TNR: variants seen among roughly 807,000 people sequenced by gnomAD.
TNR encodes the protein tenascin-R.
Under a neutral mutation model 150.4 loss-of-function variants are expected in TNR, and 45 were observed. The observed-to-expected ratio is 0.30, with a 90% CI of 0.24 to 0.38. TNR has a LOEUF of 0.38. Among genes scored for constraint, TNR ranks in the 10% least tolerant of loss-of-function variants. The pLI, the probability that TNR is intolerant of heterozygous loss-of-function variation, is 1.00. For missense variants in TNR, 1,544 were observed against 1,759.1 expected (o/e 0.88, Z 2.19); for synonymous variants, 687 against 678.4 (o/e 1.01, Z -0.20).
At chr1:175,648,709 C>T (rs1315797108) in intron 1 of TNR, among the ~76,000 whole-genome samples, 1 of 152,152 alleles carries the variant, frequency 6.6e-6, no homozygotes, top group Non-Finnish European at 1.5e-5. Flanking sequence ...CAAAATGTCT[C>T]CCGCTTCCTT....
intron 1 of TNR, among the ~76,000 whole-genome samples, chr1:175,690,273 A>G (rs1666321869): frequency 6.6e-6 from 1 of 152,254 alleles, no homozygotes; most frequent in African/African-American, 2.4e-5. Context: ...ACAAAGACAG[A>G]TGAGGTCTCT....
Position 175,359,629 on chromosome 1 carries a change from A to G in TNR, c.2957T>C (p.Val986Ala), listed in dbSNP as rs1243389610. Residue 986 changes from valine (V) to alanine (A), a missense_variant, in exon 15 of 23, where the codon GTT becomes GCT. Physicochemically the swap from Val to Ala is moderately conservative, Grantham distance 64. Around this residue, in one of 2 missense-constraint regions of TNR, gnomAD observed 1,254 missense variants for 1,329.4 expected, o/e 0.94. Coordinates refer to ENST00000367674, the MANE Select transcript of TNR (RefSeq NM_003285.3). ...PVGEVENYVI[V>A]LTHFAVAGET... is the part of the protein sequence containing the mutation. ...ACACCCACCTGCAAAGTGTGTAAGA[A>G]CAATGACGTAGTTCTCCACCTCACC... The G allele has an allele frequency of 2.5e-6, 4 of 1,613,660 alleles. No individual in the cohort carries two copies. Among genetic ancestry groups the G allele is most frequent in the Non-Finnish European group, 3.4e-6 (4 of 1,179,806 alleles).
intron 1 of TNR, among the ~76,000 whole-genome samples, chr1:175,530,842 C>CA (rs1427910562): frequency 8.5e-5 from 13 of 152,248 alleles, no homozygotes; most frequent in African/African-American, 2.9e-4. Flanking sequence ...CTTTCACGCT[C>CA]ATTTAACCAC....
At chr1:175,509,003 C>G (rs574127936) in intron 2 of TNR, among the ~76,000 whole-genome samples, 1 of 152,306 alleles carries the variant, frequency 6.6e-6, no homozygotes, top group South Asian at 2.1e-4. Flanking sequence ...GCCCTCTCCT[C>G]AGAAGTAGAT....
chr1:175,672,763 G>A (rs963239507), intron 1 of TNR, among the ~76,000 whole-genome samples: 4 of 152,192 alleles, frequency 2.6e-5, no homozygotes, highest in Non-Finnish European at 5.9e-5. Context: ...GAGGAAGCAG[G>A]TGCATCCTTC....
chr1:175,575,799 G>T (rs1166806400), intron 1 of TNR, among the ~76,000 whole-genome samples: 1 of 152,182 alleles, frequency 6.6e-6, no homozygotes, highest in African/African-American at 2.4e-5. Context: ...GTTGGTAAAA[G>T]TTGCTGTCCC....
chr1:175,696,676 T>A (rs949637268), intron 1 of TNR, among the ~76,000 whole-genome samples: 3 of 152,082 alleles, frequency 2.0e-5, no homozygotes. Flanking sequence ...GGTCGGGAGT[T>A]TGAGACCAGC....
intron 20 of TNR, among the ~76,000 whole-genome samples, chr1:175,331,005 CTT>C (rs1466794632): frequency 2.6e-5 from 1 of 38,960 alleles, no homozygotes; most frequent in African/African-American, 9.9e-5. Context: ...GTGATTCTTT[CTT>C]TCTTTCTTTC....
intron 2 of TNR, among the ~76,000 whole-genome samples, chr1:175,513,904 A>G (rs142067915): frequency 6.6e-6 from 1 of 152,240 alleles, no homozygotes; most frequent in African/African-American, 2.4e-5. Flanking sequence ...AAGGTCTGGG[A>G]TGGGTTTGGA....
chr1:175,477,520 A>G (rs1433469884), intron 2 of TNR, among the ~76,000 whole-genome samples: 3 of 152,220 alleles, frequency 2.0e-5, no homozygotes, highest in Non-Finnish European at 4.4e-5. Flanking sequence ...AGTGTTGGGC[A>G]TACATAGTGC....
At chr1:175,610,672 C>G (rs1413247805) in intron 1 of TNR, among the ~76,000 whole-genome samples, 2 of 152,198 alleles carry the variant, frequency 1.3e-5, no homozygotes, top group African/African-American at 4.8e-5. Context: ...TTGCCTGTCC[C>G]TTGAGATGCT....
At chr1:175,733,783 T>G (rs1667703659) in intron 1 of TNR, among the ~76,000 whole-genome samples, 1 of 151,946 alleles carries the variant, frequency 6.6e-6, no homozygotes, top group South Asian at 2.1e-4. Context: ...TGGCCCACAA[T>G]GAAACTTAAG....
At chr1:175,628,050 A>G (rs986955401) in intron 1 of TNR, among the ~76,000 whole-genome samples, 6 of 152,202 alleles carry the variant, frequency 3.9e-5, no homozygotes, top group Non-Finnish European at 7.4e-5. Flanking sequence ...AGGCAGGTGA[A>G]AAAGCTTATT....
chr1:175,576,554 G>T (rs934315866), intron 1 of TNR, among the ~76,000 whole-genome samples: 1 of 152,110 alleles, frequency 6.6e-6, no homozygotes, highest in Non-Finnish European at 1.5e-5. Context: ...CAAGGCCACT[G>T]CCCCTAGGAA....
At chr1:175,438,479 T>A (rs1009569457) in intron 2 of TNR, among the ~76,000 whole-genome samples, 3 of 152,198 alleles carry the variant, frequency 2.0e-5, no homozygotes, top group Non-Finnish European at 2.9e-5. Context: ...AAGACAGGGA[T>A]GCCCTCTCTC....
intron 2 of TNR, among the ~76,000 whole-genome samples, chr1:175,451,259 C>T (rs182480984): frequency 2.5e-4 from 37 of 149,030 alleles, no homozygotes; most frequent in African/African-American, 9.1e-4. Context: ...CTAGGGTACA[C>T]GTGCACAACG....
At chr1:175,418,277 T>C (rs1654592660) in intron 2 of TNR, among the ~76,000 whole-genome samples, 1 of 152,066 alleles carries the variant, frequency 6.6e-6, no homozygotes, top group Admixed American at 6.5e-5. Flanking sequence ...ACATGAGAAG[T>C]ACCATACCAG....
At chr1:175,495,081 C>T (rs895069120) in intron 2 of TNR, among the ~76,000 whole-genome samples, 3 of 152,180 alleles carry the variant, frequency 2.0e-5, no homozygotes, top group Admixed American at 1.3e-4. Flanking sequence ...CTCACCCACT[C>T]ATTTATTTAA....
chr1:175,440,684 T>G (rs1655742920), intron 2 of TNR, among the ~76,000 whole-genome samples: 1 of 151,952 alleles, frequency 6.6e-6, no homozygotes, highest in African/African-American at 2.4e-5. Context: ...GTGAAGACCA[T>G]GTTTCAGTGT....
Sources: gnomAD v4.1 joint callset for allele counts (sites outside exome capture counted in the v4.1 genomes callset) on GRCh38, gnomAD v4.1.1 for gene constraint, gnomAD v4.1.1 regional missense constraint, MANE v1.5 for transcripts, NCBI Gene and HGNC (gene_info 2026-07-23, HGNC 2026-07-21) for gene names.